CES1: variants seen among roughly 807,000 people sequenced by gnomAD.
CES1 encodes liver carboxylesterase 1.
Under a neutral mutation model 53.0 loss-of-function variants are expected in CES1, and 50 were observed. The observed-to-expected ratio is 0.94, with a 90% CI of 0.75 to 1.19. The LOEUF (loss-of-function observed/expected upper bound fraction) is 1.19. Among genes scored for constraint, CES1 ranks in the 50% most tolerant of loss-of-function variants. CES1 has a pLI of 0.00. For synonymous variants in CES1, 202 were observed against 210.1 expected (o/e 0.96, Z 0.33); for missense variants, 534 against 538.0 (o/e 0.99, Z 0.07).
intron 7 of CES1, among the ~76,000 whole-genome samples, chr16:55,817,545 T>C (rs763215528): frequency 3.9e-4 from 60 of 152,328 alleles, no homozygotes; most frequent in Non-Finnish European, 8.2e-4. Context: ...TTCACCAAGA[T>C]TGCAGTGACT....
intron 8 of CES1, among the ~76,000 whole-genome samples, chr16:55,816,679 G>A (rs1217516947): frequency 1.3e-5 from 2 of 152,212 alleles, no homozygotes; most frequent in South Asian, 2.1e-4. Flanking sequence ...AGTGGGCAGA[G>A]CCCAGGGCAC....
rs2031764129 is a variant in CES1 at position 55,812,918 on chromosome 16, G to A, written c.1071C>T (p.Gly357=). The part of the protein sequence containing the change: ...YMVGINKQEF[G]WLIPMQLMSY... Reference sequence around the variant, plus strand: ...GCCTTCTCACCATTGGAATCAACCAGCCAAACTCCTGCTTGTTAATTCCGA... The same window carrying A: ...GCCTTCTCACCATTGGAATCAACCAACCAAACTCCTGCTTGTTAATTCCGA... The change falls in exon 9 of 14, where the codon GGC becomes GGT. Residue 357 remains glycine (G), a synonymous_variant. Coordinates refer to ENST00000360526, the MANE Select transcript of CES1 (RefSeq NM_001025195.2). 1 of 1,614,170 alleles carries A rather than the reference G, an allele frequency of 6.2e-7. No homozygotes were observed. The highest frequency in any genetic ancestry group is 1.3e-5 in the African/African-American group (1 of 75,038).
chr16:55,811,024 A>AGTTCAGC lies in CES1; in HGVS notation c.1087-15_1087-14insGCTGAAC. 6.3e-7 allele frequency: 1 copy of AGTTCAGC among 1,599,610 alleles called. No homozygotes were observed. Among genetic ancestry groups the AGTTCAGC allele is most frequent in the Non-Finnish European group, 8.6e-7 (1 of 1,167,476 alleles). The stretch of plus-strand genomic sequence containing the variant: ...GCTCATCAACTGCTAAAAAAAAAAA[A>AGTTCAGC]AAGTTCAGCATTTATGAATCATTGG... On this transcript the variant is annotated splice_polypyrimidine_tract_variant and intron_variant, in intron 9 of 13. Coordinates refer to ENST00000360526, the MANE Select transcript of CES1 (RefSeq NM_001025195.2).
At chr16:55,820,742 G>T (rs1366717487) in intron 5 of CES1, among the ~76,000 whole-genome samples, 2 of 152,012 alleles carry the variant, frequency 1.3e-5, no homozygotes, top group Admixed American at 1.3e-4. Context: ...ACCCAAGGTT[G>T]TGTCTATGAC....
In CES1 at chr16:55,813,602, G is replaced by C. The variant is rs570859714; in HGVS notation, c.946-559C>G. ...CTATCACAGCCTCATGTATGAATCG[G>C]CCAATTTCCTTCTCCTTTTTCTGAA... is the stretch of plus-strand genomic sequence containing the variant. On this transcript the variant is annotated intron_variant, in intron 8 of 13. Coordinates refer to ENST00000360526, the MANE Select transcript of CES1 (RefSeq NM_001025195.2). Among the ~76,000 whole-genome samples the C allele has an allele frequency of 2.6e-3, 403 of 152,298 alleles. 4 individuals carry two copies. The highest frequency in any genetic ancestry group is 9.3e-3 in the African/African-American group (387 of 41,524).
At chr16:55,822,069 A>G (rs143554390) in intron 4 of CES1, among the ~76,000 whole-genome samples, 1 of 152,264 alleles carries the variant, frequency 6.6e-6, no homozygotes, top group African/African-American at 2.4e-5. Flanking sequence ...CAGAAGAAAA[A>G]GCAAGTGCAA....
rs1274796440 is a variant in CES1, at chr16:55,810,988, G to A, written c.1109C>T (p.Ser370Phe). The A allele has an allele frequency of 1.2e-6, 2 of 1,611,342 alleles. No homozygotes were observed. The highest frequency in any genetic ancestry group is 2.2e-5 in the East Asian group (1 of 44,870). Residue 370 changes from serine to phenylalanine, a missense_variant, in exon 10 of 14, where the codon TCC becomes TTC. Ser to Phe is a radical substitution (Grantham distance 155). This residue lies in a region of CES1 where 269 missense variants were observed against 206.6 expected (regional missense o/e 1.30). Coordinates refer to ENST00000360526, the MANE Select transcript of CES1 (RefSeq NM_001025195.2). Reference protein sequence around the residue: ...IPMQLMSYPLSEGQLDQKTAM... With the variant: ...IPMQLMSYPLFEGQLDQKTAM... ...TGTCTTCTGGTCCAGTTGCCCTTCGGAGAGTGGATAGCTCATCAACTGCTA... is the reference window on the plus strand; with the variant it reads ...TGTCTTCTGGTCCAGTTGCCCTTCGAAGAGTGGATAGCTCATCAACTGCTA...
intron 4 of CES1, among the ~76,000 whole-genome samples, chr16:55,822,585 C>T (rs1298698474): frequency 6.6e-6 from 1 of 152,004 alleles, no homozygotes; most frequent in East Asian, 1.9e-4. Flanking sequence ...ACCCTTTAGA[C>T]AGCCAGGGGT....
At position 55,810,470 on chromosome 16, in the gene CES1, G is replaced by A. The variant is rs774397440; in HGVS notation, c.1318+47C>T. ...CTGGGAGGTAGGTGGGTCAGATACA[G>A]AAGCTCGTGGGGTTTGTGTCCCTCC... On this transcript the variant is annotated intron_variant, in intron 11 of 13. Transcript: ENST00000360526. The A allele has an allele frequency of 1.1e-5, 18 of 1,613,176 alleles. No homozygotes were observed. In the South Asian group the frequency reaches 2.0e-4, roughly 18 times the overall value.
At chr16:55,812,847 G>A in intron 9 of CES1, 56 bp downstream of exon 9, 5 of 1,610,900 alleles carry the variant, frequency 3.1e-6, no homozygotes, top group Non-Finnish European at 4.2e-6. Flanking sequence ...TGGGACCAGA[G>A]ACAGGAGGGC....
chr16:55,815,048 T>C (rs1364030993), intron 8 of CES1, among the ~76,000 whole-genome samples: 1 of 152,168 alleles, frequency 6.6e-6, no homozygotes, highest in Non-Finnish European at 1.5e-5. Context: ...GGGCAGTGAA[T>C]GGTATTGCCA....
chr16:55,808,881 A>G (rs1262308513), intron 11 of CES1, among the ~76,000 whole-genome samples: 2 of 152,182 alleles, frequency 1.3e-5, no homozygotes, highest in Admixed American at 6.5e-5. Context: ...AGTATATAGG[A>G]CATGGAAAAT....
In CES1 at chr16:55,826,192, T is replaced by C; in HGVS notation, c.364A>G (p.Ile122Val). Residue 122 changes from isoleucine (I) to valine (V), a missense_variant, in exon 3 of 14, where the codon ATT becomes GTT. Ile to Val is a conservative substitution (Grantham distance 29). Coordinates refer to ENST00000360526, the MANE Select transcript of CES1 (RefSeq NM_001025195.2). Reference sequence around the variant, plus strand: ...TTGGTCAAGTCAGCAGGAGTGTAAATATTGAGGTAAAGACAGTCTTCAGAA... The same window carrying C: ...TTGGTCAAGTCAGCAGGAGTGTAAACATTGAGGTAAAGACAGTCTTCAGAA... ...KLSEDCLYLN[I>V]YTPADLTKKN... 2 of 1,613,904 alleles carry C rather than the reference T, an allele frequency of 1.2e-6. No individual in the cohort carries two copies. The highest frequency in any genetic ancestry group is 1.7e-6 in the Non-Finnish European group (2 of 1,179,870).
chr16:55,817,522 T>A (rs2031993320), intron 7 of CES1, among the ~76,000 whole-genome samples: 1 of 152,212 alleles, frequency 6.6e-6, no homozygotes, highest in Non-Finnish European at 1.5e-5. Context: ...CCCATGCTTC[T>A]CTTTGGTGTG....
At chr16:55,821,565 A>G in intron 4 of CES1, 44 bp from the exon 5 acceptor site, 2 of 1,610,932 alleles carry the variant, frequency 1.2e-6, no homozygotes, top group Non-Finnish European at 1.7e-6. Context: ...CAGAGATGTC[A>G]TGCAGGACCT....
chr16:55,812,207 CT>C (rs1285952419), intron 9 of CES1: 1 of 153,938 alleles, frequency 6.5e-6, no homozygotes, highest in Non-Finnish European at 1.4e-5. Context: ...CACTTCTTTA[CT>C]TTTAGAACTC....
intron 7 of CES1, among the ~76,000 whole-genome samples, chr16:55,818,635 G>C (rs1438234326): frequency 6.6e-6 from 1 of 151,828 alleles, no homozygotes; most frequent in Admixed American, 6.6e-5. Context: ...CTCAACCTGC[G>C]AAGTATATGA....
chr16:55,832,982 T>TA (rs56278207), intron 1 of CES1, 22 bp downstream of exon 1: 933,216 of 1,511,968 alleles, frequency 0.62, 342,196 homozygotes, highest in Non-Finnish European at 0.67. Flanking sequence ...GTGCCCCGCA[T>TA]TTTGATTTCA....
At chr16:55,823,935 C>G (rs528843952) in intron 3 of CES1, among the ~76,000 whole-genome samples, 138 of 151,364 alleles carry the variant, frequency 9.1e-4, no homozygotes, top group African/African-American at 3.3e-3. Context: ...GTGCCTCCTC[C>G]CCGAAAGGCT....
Sources: allele counts gnomAD v4.1 joint callset (sites outside exome capture counted in the v4.1 genomes callset), GRCh38; gene constraint gnomAD v4.1.1; regional missense constraint gnomAD v4.1.1; transcripts MANE v1.5; gene names NCBI Gene and HGNC (gene_info 2026-07-23, HGNC 2026-07-21).